Variants in CDC14B observed in about 807,000 individuals in gnomAD.
The protein encoded by CDC14B is cell division cycle 14B, also known as dual specificity protein phosphatase CDC14B.
In CDC14B, 22 loss-of-function variants were observed where a neutral mutation model predicts 64.2. The observed-to-expected ratio is 0.34, with a 90% CI of 0.24 to 0.49. The LOEUF (loss-of-function observed/expected upper bound fraction) is 0.49. Among genes scored for constraint, CDC14B ranks in the 20% least tolerant of loss-of-function variants. The probability of loss-of-function intolerance (pLI) is 0.99; values close to 1 mark genes in which losing one functional copy is unlikely to be tolerated. For synonymous variants in CDC14B, 191 were observed against 215.8 expected (o/e 0.89, Z 1.01); for missense variants, 498 against 629.9 (o/e 0.79, Z 2.24).
intron 9 of CDC14B, 35 bp downstream of exon 9, chr9:96,533,892 T>A (rs911428042): frequency 7.6e-7 from 1 of 1,317,604 alleles, no homozygotes; most frequent in African/African-American, 1.5e-5. Context: ...ATACTCATAC[T>A]GTATACTATT....
intron 9 of CDC14B, among the ~76,000 whole-genome samples, chr9:96,531,736 TATA>T (rs1448418181): frequency 4.6e-5 from 7 of 152,152 alleles, no homozygotes; most frequent in African/African-American, 7.2e-5. Flanking sequence ...ATTTACATAT[TATA>T]ATATTTGCAA....
chr9:96,547,963 C>A (rs1005447692), intron 5 of CDC14B, among the ~76,000 whole-genome samples: 3 of 152,054 alleles, frequency 2.0e-5, no homozygotes, highest in Non-Finnish European at 4.4e-5. Context: ...GTAGCTGGGA[C>A]TATAGGCGCC....
At chr9:96,592,800 C>T (rs566982308) in intron 1 of CDC14B, among the ~76,000 whole-genome samples, 6 of 151,740 alleles carry the variant, frequency 4.0e-5, no homozygotes, top group African/African-American at 1.5e-4. Context: ...AAACAGGTTG[C>T]TAAACAAGGA....
rs1190166784 is a variant in CDC14B, at chr9:96,500,415, C to G, written c.*3338G>C. 2.0e-5 allele frequency: 3 copies of G among 152,598 alleles called. No homozygotes were observed. 9.5% of individuals were successfully genotyped at this position (152,598 alleles called of 1,614,324 possible). On this transcript the variant is annotated 3_prime_UTR_variant, in exon 14 of 14. Coordinates refer to ENST00000375241, the MANE Select transcript of CDC14B (RefSeq NM_033331.4). ...GTTACATTTTAAAACTTTTAATAAT[C>G]TGTACATGAGTGCAGGTTAGATAAA...
At chr9:96,508,913 G>A (rs187497061) in intron 13 of CDC14B, among the ~76,000 whole-genome samples, 60 of 152,260 alleles carry the variant, frequency 3.9e-4, no homozygotes, top group African/African-American at 1.4e-3. Context: ...TCTTCAGGTC[G>A]CTCATGTCTA....
chr9:96,612,695 T>C (rs976675499), intron 1 of CDC14B, among the ~76,000 whole-genome samples: 7 of 152,238 alleles, frequency 4.6e-5, no homozygotes, highest in Non-Finnish European at 1.0e-4. Flanking sequence ...TATATGCTAG[T>C]TCTCCCTCAG....
chr9:96,528,738 C>T (rs763572710), intron 9 of CDC14B, among the ~76,000 whole-genome samples: 42 of 152,184 alleles, frequency 2.8e-4, no homozygotes, highest in Non-Finnish European at 2.9e-4. Context: ...CTAATTTTCT[C>T]CACATCTCCA....
intron 12 of CDC14B, chr9:96,514,545 A>C: frequency 1.0e-6 from 1 of 985,466 alleles, no homozygotes; most frequent in Non-Finnish European, 1.2e-6. Context: ...TGATTTTTAA[A>C]TCTTTCTCAG....
chr9:96,497,326 C>T (rs914226972), downstream of CDC14B, among the ~76,000 whole-genome samples: 4 of 152,140 alleles, frequency 2.6e-5, no homozygotes, highest in Admixed American at 6.5e-5. Flanking sequence ...GCGGGAGGCC[C>T]CCCACTCCCA....
chr9:96,538,717 G>A (rs1177485358), intron 7 of CDC14B: 5 of 204,912 alleles, frequency 2.4e-5, no homozygotes, highest in Non-Finnish European at 4.8e-5. Flanking sequence ...AGCGAGACTT[G>A]GTCTCTCTCT....
intron 3 of CDC14B, among the ~76,000 whole-genome samples, chr9:96,563,637 C>T (rs1179141881): frequency 8.3e-6 from 1 of 120,606 alleles, no homozygotes; most frequent in African/African-American, 3.3e-5. Flanking sequence ...GCAACAAGAG[C>T]GAAACTCTGT....
At chr9:96,609,159 T>C (rs1847154858) in intron 1 of CDC14B, among the ~76,000 whole-genome samples, 1 of 152,142 alleles carries the variant, frequency 6.6e-6, no homozygotes, top group African/African-American at 2.4e-5. Flanking sequence ...AGATGGGGTA[T>C]CACCATGTTG....
At chr9:96,609,574 T>C (rs1435447219) in intron 1 of CDC14B, among the ~76,000 whole-genome samples, 1 of 152,150 alleles carries the variant, frequency 6.6e-6, no homozygotes, top group Non-Finnish European at 1.5e-5. Context: ...TTCATATAAA[T>C]ATAGATAATA....
chr9:96,538,419 T>C (rs1839585991), intron 7 of CDC14B, among the ~76,000 whole-genome samples: 1 of 152,066 alleles, frequency 6.6e-6, no homozygotes, highest in Non-Finnish European at 1.5e-5. Context: ...AAATGGGTGA[T>C]TAAGAAAGCT....
At chr9:96,556,727 T>C (rs527445355) in intron 4 of CDC14B, among the ~76,000 whole-genome samples, 124 of 152,236 alleles carry the variant, frequency 8.1e-4, no homozygotes, top group African/African-American at 2.8e-3. Context: ...ATTTGAGTGG[T>C]AGGGACATTT....
intron 5 of CDC14B, among the ~76,000 whole-genome samples, chr9:96,542,543 G>T (rs915275111): frequency 6.6e-6 from 1 of 151,850 alleles, no homozygotes; most frequent in Non-Finnish European, 1.5e-5. Context: ...TGTTGCCCAT[G>T]TTGGGGTGCA....
At chr9:96,509,847 G>A (rs1302800886) in intron 12 of CDC14B, 58 bp from the exon 13 acceptor site, 1 of 1,062,438 alleles carries the variant, frequency 9.4e-7, no homozygotes, top group Non-Finnish European at 1.4e-6. Context: ...GCAAATACTT[G>A]ACAGAGGAAA....
At chr9:96,537,534 CA>C (rs1839447431) in intron 7 of CDC14B, among the ~76,000 whole-genome samples, 1 of 152,142 alleles carries the variant, frequency 6.6e-6, no homozygotes, top group Non-Finnish European at 1.5e-5. Flanking sequence ...GCTAAGATTA[CA>C]CTTTTCTGAT....
chr9:96,577,218 T>C (rs1844866468), intron 1 of CDC14B, among the ~76,000 whole-genome samples: 1 of 146,124 alleles, frequency 6.8e-6, no homozygotes, highest in South Asian at 2.2e-4. Context: ...ACCACTGCAC[T>C]CCAGCCTGGG....
Sources: gnomAD v4.1 joint callset for allele counts (sites outside exome capture counted in the v4.1 genomes callset) on GRCh38, gnomAD v4.1.1 for gene constraint, MANE v1.5 for transcripts, NCBI Gene and HGNC (gene_info 2026-07-23, HGNC 2026-07-21) for gene names.